Variants in DAPK2 observed in about 807,000 individuals in gnomAD.
DAPK2 encodes death-associated protein kinase 2.
DAPK2 carries 35 observed loss-of-function variants against 44.1 expected under a neutral mutation model. The observed-to-expected ratio is 0.79, with a 90% CI of 0.61 to 1.05. The LOEUF (loss-of-function observed/expected upper bound fraction) is 1.05, where lower values mean the gene tolerates loss of function less well. Among genes scored for constraint, DAPK2 ranks in the 50% least tolerant of loss-of-function variants. DAPK2 has a pLI of 0.00. For missense variants in DAPK2, 453 were observed against 483.2 expected (o/e 0.94, Z 0.59); for synonymous variants, 174 against 182.6 (o/e 0.95, Z 0.38).
chr15:63,980,896 C>G lies in DAPK2; in HGVS notation c.314+2637G>C, dbSNP rs958355847. Reference sequence around the variant, plus strand: ...TCTAAGGTCAGGAGTTCGAGACCAGCCTGGCCAACATGGAGAAACCCCATC... The same window carrying G: ...TCTAAGGTCAGGAGTTCGAGACCAGGCTGGCCAACATGGAGAAACCCCATC... On this transcript the variant is annotated intron_variant, in intron 2 of 10. Transcript: ENST00000261891. The surrounding 1 kb of genome is among the most constrained non-coding windows in gnomAD (Gnocchi z 4.3). 1.3e-5 allele frequency among the ~76,000 whole-genome samples: 2 copies of G among 152,112 alleles called. No individual in the cohort carries two copies. The highest frequency in any genetic ancestry group is 4.8e-5 in the African/African-American group (2 of 41,414).
rs948873145 is a variant in DAPK2 at position 63,924,687 on chromosome 15, C to T, written c.858+129G>A. The T allele has an allele frequency of 3.0e-6, 3 of 1,001,762 alleles. No individual in the cohort carries two copies. In the African/African-American group the frequency reaches 4.9e-5, roughly 16 times the overall value. The allele number at this position is 1,001,762 out of a possible 1,614,324, so 62.1% of individuals were successfully genotyped here. A position where few individuals can be genotyped will look rare whatever the true frequency, so the allele number is the denominator to read the frequency against. Reference sequence around the variant, plus strand: ...CCCTCTGGGGCCCCTGGCTAGCTTTCATCTGTGCCCAGGGTCAGTGTTTAA... The same window carrying T: ...CCCTCTGGGGCCCCTGGCTAGCTTTTATCTGTGCCCAGGGTCAGTGTTTAA... On this transcript the variant is annotated intron_variant, in intron 8 of 10. Coordinates refer to ENST00000261891, the Ensembl canonical transcript of DAPK2.
At chr15:63,909,686 C>T (rs1044625448) in intron 10 of DAPK2, 2 of 152,120 alleles carry the variant, frequency 1.3e-5, no homozygotes, top group Admixed American at 6.6e-5. Flanking sequence ...CCTGTAATCC[C>T]AGCTAGTCAG....
intron 2 of DAPK2, among the ~76,000 whole-genome samples, chr15:63,973,953 C>T (rs1053781912): frequency 3.9e-5 from 6 of 152,154 alleles, no homozygotes; most frequent in African/African-American, 1.4e-4. Flanking sequence ...CCCCTTTCTT[C>T]AATTTTATAA....
intron 1 of DAPK2, among the ~76,000 whole-genome samples, chr15:63,984,258 G>A (rs2078610928): frequency 6.6e-6 from 1 of 152,220 alleles, no homozygotes; most frequent in African/African-American, 2.4e-5. Flanking sequence ...TGAGGCATAA[G>A]GATAGGTCAT....
intron 1 of DAPK2, among the ~76,000 whole-genome samples, chr15:64,045,652 G>T (rs889329112): frequency 6.6e-6 from 1 of 152,212 alleles, no homozygotes; most frequent in African/African-American, 2.4e-5. Flanking sequence ...ACCGTGCAGA[G>T]TTACGGTGAG....
At chr15:63,928,916 T>G (rs1007512480) in intron 6 of DAPK2, among the ~76,000 whole-genome samples, 2 of 152,008 alleles carry the variant, frequency 1.3e-5, no homozygotes, top group African/African-American at 2.4e-5. Flanking sequence ...GAGTTCTGAG[T>G]GAAGGGCTGG....
Position 63,975,334 on chromosome 15 carries a change from TCTA to T in DAPK2, c.315-3776_315-3774del, listed in dbSNP as rs1038764664. ...GAGGCCTTAAAACCTGTATTTTTAC[TCTA>T]ACAACATAATAATAGCAATTAATAT... On this transcript the variant is annotated intron_variant, in intron 2 of 10. Transcript: ENST00000261891. Among the ~76,000 whole-genome samples, 6 of 152,314 alleles carry T rather than the reference TCTA, an allele frequency of 3.9e-5. No homozygotes were observed. In the South Asian group the frequency reaches 6.2e-4, roughly 16 times the overall value.
At chr15:64,018,304 A>G (rs2079589675) in intron 1 of DAPK2, among the ~76,000 whole-genome samples, 1 of 152,180 alleles carries the variant, frequency 6.6e-6, no homozygotes, top group Non-Finnish European at 1.5e-5. Flanking sequence ...AAGGGCTGTG[A>G]GGACAGGACC....
rs1198276787 is a variant in DAPK2 at position 63,980,363 on chromosome 15, T to C, written c.314+3170A>G. Among the ~76,000 whole-genome samples the C allele has an allele frequency of 6.6e-6, 1 of 152,176 alleles. No individual in the cohort carries two copies. Among genetic ancestry groups the C allele is most frequent in the Non-Finnish European group, 1.5e-5 (1 of 68,038 alleles). ...CCAGCAATTAAAGGCATGCCAATTA[T>C]AGTAAGAAAGTATCAATTTATAGCT... is the stretch of plus-strand genomic sequence containing the variant. On this transcript the variant is annotated intron_variant, in intron 2 of 10. Transcript: ENST00000261891. This position sits in a 1 kb window ranked among gnomAD's most constrained non-coding sequence, Gnocchi z 4.3.
Position 63,948,234 on chromosome 15 carries a change from G to A in DAPK2, c.454-8873C>T, listed in dbSNP as rs529796219. ...TGCAGTGAGCGGAGATCACACCACT[G>A]CATTCCAGCCTGCATGATGGAGTGA... On this transcript the variant is annotated intron_variant, in intron 3 of 10. Coordinates refer to ENST00000261891, the Ensembl canonical transcript of DAPK2. 2.7e-4 allele frequency among the ~76,000 whole-genome samples: 31 copies of A among 116,098 alleles called. No homozygotes were observed. In the Admixed American group the frequency reaches 3.6e-3, roughly 13 times the overall value. 76.2% of individuals were successfully genotyped at this position (116,098 alleles called of 152,430 possible). A position where few individuals can be genotyped will look rare whatever the true frequency, so the allele number is the denominator to read the frequency against.
intron 8 of DAPK2, chr15:63,920,391 T>A (rs2079039761): frequency 6.6e-6 from 1 of 152,170 alleles, no homozygotes; most frequent in Non-Finnish European, 1.5e-5. Flanking sequence ...ATGGTGGCTC[T>A]ATTTCTCATT....
intron 3 of DAPK2, among the ~76,000 whole-genome samples, chr15:63,969,979 T>C (rs2140728540): frequency 6.6e-6 from 1 of 152,278 alleles, no homozygotes; most frequent in East Asian, 1.9e-4. Context: ...CCTTCATCTC[T>C]ACCTCTAATT....
chr15:63,981,089 C>CA (rs57421161), intron 2 of DAPK2, among the ~76,000 whole-genome samples: 39 of 137,634 alleles, frequency 2.8e-4, no homozygotes, highest in Middle Eastern at 3.8e-3. Context: ...GACTCCATCT[C>CA]AAAAAAAAAA....
intron 1 of DAPK2, among the ~76,000 whole-genome samples, chr15:63,985,103 G>A (rs1231683246): frequency 6.6e-6 from 1 of 152,250 alleles, no homozygotes; most frequent in African/African-American, 2.4e-5. Flanking sequence ...GCCAGGATCT[G>A]TGCTAGGCAC....
intron 1 of DAPK2, among the ~76,000 whole-genome samples, chr15:64,011,594 A>G (rs2079391501): frequency 1.3e-5 from 2 of 152,356 alleles, no homozygotes; most frequent in South Asian, 2.1e-4. Flanking sequence ...TGATGCTTGG[A>G]TAATGAAAAT....
At chr15:64,036,264 T>C (rs932284019) in intron 1 of DAPK2, among the ~76,000 whole-genome samples, 5 of 12,408 alleles carry the variant, frequency 4.0e-4, no homozygotes, top group African/African-American at 5.2e-4. Context: ...CATCTCAAAA[T>C]ATATATATAT....
chr15:63,995,587 C>A (rs1164185667), intron 1 of DAPK2, among the ~76,000 whole-genome samples: 1 of 152,244 alleles, frequency 6.6e-6, no homozygotes, highest in Non-Finnish European at 1.5e-5. Context: ...GTGACTCTTG[C>A]CATTGCTGGT....
chr15:64,041,835 T>C (rs1005726325), upstream of DAPK2, among the ~76,000 whole-genome samples: 2 of 152,328 alleles, frequency 1.3e-5, no homozygotes, highest in South Asian at 4.1e-4. Flanking sequence ...ATTACCAAGA[T>C]GCCGCCTGCC....
At chr15:63,943,283 C>T (rs2077364663) in intron 3 of DAPK2, among the ~76,000 whole-genome samples, 1 of 151,910 alleles carries the variant, frequency 6.6e-6, no homozygotes, top group South Asian at 2.1e-4. Flanking sequence ...TAAAAATTAG[C>T]CCAGCATGGT....
Sources: allele counts gnomAD v4.1 joint callset (sites outside exome capture counted in the v4.1 genomes callset), GRCh38; gene constraint gnomAD v4.1.1; non-coding constraint Gnocchi (gnomAD v3.1); transcripts MANE v1.5; gene names NCBI Gene and HGNC (gene_info 2026-07-23, HGNC 2026-07-21).